YRDC: variants seen among roughly 807,000 people sequenced by gnomAD.
YRDC encodes threonylcarbamoyl-AMP synthase.
YRDC carries 17 observed loss-of-function variants against 21.5 expected under a neutral mutation model. The observed-to-expected ratio is 0.79, with a 90% CI of 0.54 to 1.19. The LOEUF (loss-of-function observed/expected upper bound fraction) is 1.19. Ranked by LOEUF, YRDC falls within the 50% of genes most tolerant of loss-of-function variation. The pLI is 0.00. For missense variants in YRDC, 380 were observed against 397.1 expected (o/e 0.96, Z 0.37); for synonymous variants, 193 against 176.7 (o/e 1.09, Z -0.73).
chr1:37,806,003 C>T (rs77339479), intron 3 of YRDC, among the ~76,000 whole-genome samples: 7,239 of 152,074 alleles, frequency 0.048, 419 homozygotes, highest in East Asian at 0.23. Flanking sequence ...AGAAAAAAAA[C>T]GAAATTTCTA....
intron 3 of YRDC, among the ~76,000 whole-genome samples, chr1:37,805,701 G>A (rs1288611330): frequency 6.6e-6 from 1 of 152,166 alleles, no homozygotes; most frequent in Non-Finnish European, 1.5e-5. Context: ...CTCTGAGAAT[G>A]GGAAGGGATG....
chr1:37,804,528 T>A (rs564232424), intron 3 of YRDC, 84 bp from the exon 4 acceptor site: 2 of 1,496,378 alleles, frequency 1.3e-6, no homozygotes, highest in South Asian at 2.6e-5. Flanking sequence ...TCAAAGGCCA[T>A]ATAGTCTTAA....
At chr1:37,805,190 A>G (rs1224472488) in intron 3 of YRDC, among the ~76,000 whole-genome samples, 3 of 152,120 alleles carry the variant, frequency 2.0e-5, no homozygotes, top group Admixed American at 6.5e-5. Flanking sequence ...AACCCGGGAG[A>G]TGGAGGTTGC....
rs755010935 is a variant in YRDC, at chr1:37,807,203, C to T, written c.402G>A (p.Val134=). The change falls in exon 2 of 5, where the codon GTG becomes GTA. Residue 134 remains valine (V), a synonymous_variant. Coordinates refer to ENST00000373044, the MANE Select transcript of YRDC (RefSeq NM_024640.4). ...RVADVYRYCR[V]RVPEGLLKDL... ...CTTTCAGGAGCCCCTCAGGTACTCT[C>T]ACACGGCAGTATCTGGGAAACACAG... 6.2e-7 allele frequency: 1 copy of T among 1,613,972 alleles called. No homozygotes were observed. Among genetic ancestry groups the T allele is most frequent in the African/African-American group, 1.3e-5 (1 of 74,932 alleles).
At chr1:37,806,813 T>C (rs759329030) in intron 3 of YRDC, 44 bp downstream of exon 3, 2 of 1,613,290 alleles carry the variant, frequency 1.2e-6, no homozygotes, top group African/African-American at 1.3e-5. Context: ...GAAAACAGTA[T>C]GTGCGCTGGT....
At position 37,807,845 on chromosome 1, in the gene YRDC, GC is replaced by G; in HGVS notation, c.335del (p.Arg112ProfsTer23). On this transcript the variant is annotated frameshift_variant, in exon 1 of 5. Transcript: ENST00000373044. LOFTEE classifies it high-confidence loss of function. ...ATACGGCCAGAGGCTTGGCCTCGCT[GC>G]GACCCTTGAGGCGGTACACAGCGCG... ...ALRAVYRLKG[R>X]SEAKPLAVCL... The G allele has an allele frequency of 6.6e-7, 1 of 1,508,000 alleles. No homozygotes were observed. The highest frequency in any genetic ancestry group is 2.7e-5 in the East Asian group (1 of 37,712). 93.4% of individuals were successfully genotyped at this position (1,508,000 alleles called of 1,614,324 possible). A position where few individuals can be genotyped will look rare whatever the true frequency, so the allele number is the denominator to read the frequency against.
rs923231476 is a variant in YRDC at position 37,807,945 on chromosome 1, G to T, written c.236C>A (p.Ala79Asp). ...ALRAAVAELR[A>D]GAVVAVPTDT... ...GGTGGGGACGGCCACCACGGCGCCG[G>T]CGCGCAGCTCGGCCACGGCGGCCCG... is the stretch of plus-strand genomic sequence containing the variant. Residue 79 changes from alanine (A) to aspartate (D), a missense_variant, in exon 1 of 5, where the codon GCC becomes GAC. Transcript: ENST00000373044. 1.8e-5 allele frequency: 22 copies of T among 1,233,820 alleles called. No individual in the cohort carries two copies. The highest frequency in any genetic ancestry group is 1.4e-5 in the Non-Finnish European group (14 of 988,542). 76.4% of individuals were successfully genotyped at this position (1,233,820 alleles called of 1,614,324 possible).
intron 3 of YRDC, among the ~76,000 whole-genome samples, chr1:37,804,807 A>G (rs1646724355): frequency 6.6e-6 from 1 of 152,256 alleles, no homozygotes. Context: ...GTGTGACTGC[A>G]TGCAAGTTAC....
Position 37,803,837 on chromosome 1 carries a change from G to T in YRDC, c.*88C>A. 1 of 1,451,014 alleles carries T rather than the reference G, an allele frequency of 6.9e-7. No individual in the cohort carries two copies. Among genetic ancestry groups the T allele is most frequent in the Non-Finnish European group, 9.6e-7 (1 of 1,041,840 alleles). 89.9% of individuals were successfully genotyped at this position (1,451,014 alleles called of 1,614,324 possible). A position where few individuals can be genotyped will look rare whatever the true frequency, so the allele number is the denominator to read the frequency against. The stretch of plus-strand genomic sequence containing the variant: ...TCAGGCTAGTGCCCTAGCTCCGGTG[G>T]CCTCTGCAAATGAGGCCTTGACAGT... On this transcript the variant is annotated 3_prime_UTR_variant, in exon 5 of 5. Coordinates refer to ENST00000373044, the MANE Select transcript of YRDC (RefSeq NM_024640.4).
Position 37,803,873 on chromosome 1 carries a change from CAGACACATAGTA to C in YRDC, c.*40_*51del. 3.8e-6 allele frequency: 6 copies of C among 1,599,454 alleles called. No individual in the cohort carries two copies. The highest frequency in any genetic ancestry group is 5.1e-6 in the Non-Finnish European group (6 of 1,168,334). ...TGAGGCCTTGACAGTCGTCAGTGGA[CAGACACATAGTA>C]TCCAGCACCAGGTCTTGGGCCTTCC... On this transcript the variant is annotated 3_prime_UTR_variant, in exon 5 of 5. Transcript: ENST00000373044.
intron 1 of YRDC, chr1:37,807,462 G>A: frequency 1.7e-6 from 1 of 581,098 alleles, no homozygotes; most frequent in Non-Finnish European, 3.0e-6. Flanking sequence ...CATGATAGTG[G>A]GATCAAGCTC....
intron 1 of YRDC, chr1:37,807,454 T>A: frequency 1.7e-6 from 1 of 587,930 alleles, no homozygotes; most frequent in Non-Finnish European, 3.0e-6. Context: ...TGTGATATCA[T>A]GATAGTGGGA....
rs894010524 is a variant in YRDC at position 37,808,071 on chromosome 1, C to T, written c.110G>A (p.Ser37Asn). The change falls in exon 1 of 5, where the codon AGT becomes AAT. Residue 37 changes from serine to asparagine, a missense_variant. By Grantham distance (46) the Ser-to-Asn change is conservative (BLOSUM62 1). Around this residue, in one of 3 missense-constraint regions of YRDC, gnomAD observed 91 missense variants for 64.7 expected, o/e 1.41. Transcript: ENST00000373044. ...SRSGRLFRPP[S>N]PAPAAPGARL... ...GGCGCCGGGGGCCGCCGGAGCGGGA[C>T]TCGGCGGGCGGAAGAGGCGACCGCT... 2 of 1,357,596 alleles carry T rather than the reference C, an allele frequency of 1.5e-6. No homozygotes were observed. The highest frequency in any genetic ancestry group is 3.8e-5 in the Admixed American group (1 of 26,436). 84.1% of individuals were successfully genotyped at this position (1,357,596 alleles called of 1,614,324 possible).
Position 37,803,591 on chromosome 1 carries a change from ATTC to A in YRDC, c.*331_*333del. ...CCACCAGAGAGGAGGCTCTCACTAG[ATTC>A]TAAATCTGTTATTTAATTACTTTTC... On this transcript the variant is annotated 3_prime_UTR_variant, in exon 5 of 5. Coordinates refer to ENST00000373044, the MANE Select transcript of YRDC (RefSeq NM_024640.4). The A allele has an allele frequency of 4.1e-6, 1 of 241,864 alleles. No individual in the cohort carries two copies. Among genetic ancestry groups the A allele is most frequent in the South Asian group, 7.1e-5 (1 of 14,030 alleles). 15.0% of individuals were successfully genotyped at this position (241,864 alleles called of 1,614,324 possible).
chr1:37,804,538 A>T, intron 3 of YRDC, 94 bp from the exon 4 acceptor site: 2 of 1,439,478 alleles, frequency 1.4e-6, no homozygotes, highest in Non-Finnish European at 1.9e-6. Flanking sequence ...TATAGTCTTA[A>T]AACAGAAGGC....
At chr1:37,804,512 C>G in intron 3 of YRDC, 68 bp from the exon 4 acceptor site, 1 of 1,543,972 alleles carries the variant, frequency 6.5e-7, no homozygotes, top group Non-Finnish European at 8.8e-7. Context: ...AAACTGCACG[C>G]AGTCATCAAA....
In YRDC at chr1:37,808,108, C is replaced by T. The variant is rs1646754597; in HGVS notation, c.73G>A (p.Ala25Thr). The change falls in exon 1 of 5, where the codon GCT becomes ACT. Residue 25 changes from alanine to threonine, a missense_variant. Coordinates refer to ENST00000373044, the MANE Select transcript of YRDC (RefSeq NM_024640.4). ...AASVGLSEGPAGSRSGRLFRP... is the reference protein window; with the variant it reads ...AASVGLSEGPTGSRSGRLFRP... ...AAGAGGCGACCGCTCCGGGAGCCAG[C>T]AGGCCCCTCGCTCAACCCCACGCTG... 2.1e-6 allele frequency: 3 copies of T among 1,440,896 alleles called. No individual in the cohort carries two copies. The highest frequency in any genetic ancestry group is 1.4e-5 in the South Asian group (1 of 73,520). 89.3% of individuals were successfully genotyped at this position (1,440,896 alleles called of 1,614,324 possible). A position where few individuals can be genotyped will look rare whatever the true frequency, so the allele number is the denominator to read the frequency against.
Position 37,802,952 on chromosome 1 carries a change from C to T in YRDC, c.*973G>A, listed in dbSNP as rs916218412. 8 of 151,892 alleles carry T rather than the reference C, an allele frequency of 5.3e-5. No homozygotes were observed. Among genetic ancestry groups the T allele is most frequent in the African/African-American group, 1.7e-4 (7 of 41,164 alleles). The allele number at this position is 151,892 out of a possible 1,614,324, so 9.4% of individuals were successfully genotyped here. On this transcript the variant is annotated 3_prime_UTR_variant, in exon 5 of 5. Transcript: ENST00000373044. ...CAAAAGAAGAAAAACAAACCATTTA[C>T]AAATATGTTTAATAGCAGCATTTCT...
rs1441979035 is a variant in YRDC, at chr1:37,808,117, C to G, written c.64G>C (p.Glu22Gln). 6.9e-7 allele frequency: 1 copy of G among 1,457,090 alleles called. No homozygotes were observed. The highest frequency in any genetic ancestry group is 1.5e-5 in the African/African-American group (1 of 68,050). The allele number at this position is 1,457,090 out of a possible 1,614,324, so 90.3% of individuals were successfully genotyped here. A position where few individuals can be genotyped will look rare whatever the true frequency, so the allele number is the denominator to read the frequency against. Residue 22 changes from glutamate (E) to glutamine (Q), a missense_variant, in exon 1 of 5, where the codon GAG becomes CAG. This residue lies in a region of YRDC where 91 missense variants were observed against 64.7 expected (regional missense o/e 1.41). Transcript: ENST00000373044. ...AAVAASVGLS[E>Q]GPAGSRSGRL... ...CCGCTCCGGGAGCCAGCAGGCCCCT[C>G]GCTCAACCCCACGCTGGCAGCCACC... is the stretch of plus-strand genomic sequence containing the variant.
Sources: gnomAD v4.1 joint callset for allele counts (sites outside exome capture counted in the v4.1 genomes callset) on GRCh38, gnomAD v4.1.1 for gene constraint, gnomAD v4.1.1 regional missense constraint, MANE v1.5 for transcripts, NCBI Gene and HGNC (gene_info 2026-07-23, HGNC 2026-07-21) for gene names.